FOXP1: variants seen among roughly 807,000 people sequenced by gnomAD.
FOXP1 encodes forkhead box protein P1.
A neutral mutation model predicts 98.2 loss-of-function variants in FOXP1; 15 were observed. The observed-to-expected ratio is 0.15, with a 90% CI of 0.10 to 0.24. The LOEUF (loss-of-function observed/expected upper bound fraction) is 0.24, where lower values mean the gene tolerates loss of function less well. FOXP1 is among the 10% of genes least tolerant of loss of function. The pLI, the probability that FOXP1 is intolerant of heterozygous loss-of-function variation, is 1.00. For synonymous variants in FOXP1, 371 were observed against 314.5 expected (o/e 1.18, Z -1.90); for missense variants, 633 against 848.5 (o/e 0.75, Z 3.15).
chr3:71,291,990 C>T (rs975223336), intron 5 of FOXP1, among the ~76,000 whole-genome samples: 6 of 152,136 alleles, frequency 3.9e-5, no homozygotes, highest in South Asian at 2.1e-4. Flanking sequence ...CAGGCCTGAG[C>T]GACTGTGCCT....
intron 12 of FOXP1, among the ~76,000 whole-genome samples, chr3:71,002,896 G>T (rs1326590500): frequency 6.6e-6 from 1 of 152,186 alleles, no homozygotes; most frequent in African/African-American, 2.4e-5. Context: ...TTCACTGGAA[G>T]TAAAGAAAGA....
intron 3 of FOXP1, among the ~76,000 whole-genome samples, chr3:71,454,715 A>G (rs143304764): frequency 6.6e-6 from 1 of 152,254 alleles, no homozygotes; most frequent in African/African-American, 2.4e-5. Flanking sequence ...GATGGTAGCG[A>G]AAGTTCCCTA....
At chr3:71,577,878 G>T (rs1371569759) in intron 2 of FOXP1, among the ~76,000 whole-genome samples, 2 of 151,824 alleles carry the variant, frequency 1.3e-5, no homozygotes, top group African/African-American at 4.8e-5. Flanking sequence ...CTTTCTTGAG[G>T]TTATTTTCTT....
At chr3:70,966,205 G>T in intron 19 of FOXP1, 149 bp from the exon 20 acceptor site, 1 of 813,278 alleles carries the variant, frequency 1.2e-6, no homozygotes, top group Non-Finnish European at 2.0e-6. Flanking sequence ...GAAAGATTTT[G>T]CTTTAAAAAC....
At chr3:70,994,028 A>G (rs1008362539) in intron 13 of FOXP1, among the ~76,000 whole-genome samples, 2 of 151,458 alleles carry the variant, frequency 1.3e-5, no homozygotes, top group African/African-American at 4.9e-5. Context: ...AAGAAAAAGA[A>G]AAAGAAAAAG....
At chr3:70,967,715 T>TG (rs1423542866) in intron 19 of FOXP1, among the ~76,000 whole-genome samples, 1,975 of 138,336 alleles carry the variant, frequency 0.014, 80 homozygotes, top group African/African-American at 0.05. Context: ...TTTTTGTTTT[T>TG]TTTTTTTTTT....
intron 7 of FOXP1, among the ~76,000 whole-genome samples, chr3:71,088,413 T>G (rs79324557): frequency 6.6e-6 from 1 of 151,758 alleles, no homozygotes; most frequent in Admixed American, 6.6e-5. Flanking sequence ...TTTTTTTTTT[T>G]GGCTTACCAG....
intron 4 of FOXP1, among the ~76,000 whole-genome samples, chr3:71,336,589 C>T (rs1162337857): frequency 1.3e-5 from 2 of 152,138 alleles, no homozygotes; most frequent in South Asian, 4.1e-4. Context: ...GACATTTATC[C>T]TGTATTACCT....
chr3:71,198,432 G>GCCCCCCCCCCC, intron 5 of FOXP1, 40 bp from the exon 6 acceptor site: 1 of 491,034 alleles, frequency 2.0e-6, no homozygotes, highest in Non-Finnish European at 4.0e-6. Context: ...GGGAGGGGGG[G>GCCCCCCCCCCC]AGAAAAAAAA....
intron 6 of FOXP1, among the ~76,000 whole-genome samples, chr3:71,193,933 G>A (rs930642361): frequency 8.6e-5 from 13 of 151,834 alleles, no homozygotes; most frequent in Non-Finnish European, 1.3e-4. Flanking sequence ...CCTATCTACC[G>A]TTCCCACCTC....
chr3:71,162,498 T>C (rs1428158442), intron 6 of FOXP1, among the ~76,000 whole-genome samples: 1 of 152,242 alleles, frequency 6.6e-6, no homozygotes, highest in East Asian at 1.9e-4. Flanking sequence ...TTAAGACTTT[T>C]TGAATAACTG....
At chr3:71,399,677 C>T (rs1168752937) in intron 3 of FOXP1, among the ~76,000 whole-genome samples, 1 of 152,102 alleles carries the variant, frequency 6.6e-6, no homozygotes, top group Non-Finnish European at 1.5e-5. Flanking sequence ...TTCCTCTTAC[C>T]ACATCTCAAC....
intron 7 of FOXP1, among the ~76,000 whole-genome samples, chr3:71,108,707 G>A (rs1284215863): frequency 6.6e-6 from 1 of 152,180 alleles, no homozygotes; most frequent in Non-Finnish European, 1.5e-5. Flanking sequence ...GGAGGTTGCA[G>A]TGAGCCGAGA....
chr3:71,057,491 G>A (rs1232970804), intron 7 of FOXP1, among the ~76,000 whole-genome samples: 11 of 148,794 alleles, frequency 7.4e-5, no homozygotes, highest in East Asian at 2.0e-4. Context: ...AAAAATTTCC[G>A]ATACTGTAAC....
At chr3:71,065,185 G>A (rs1045362307) in intron 7 of FOXP1, among the ~76,000 whole-genome samples, 17 of 151,638 alleles carry the variant, frequency 1.1e-4, no homozygotes, top group African/African-American at 3.4e-4. Flanking sequence ...CTGTTAACCC[G>A]GTGACCCGCC....
chr3:70,961,419 T>C (rs1229172016), intron 20 of FOXP1, among the ~76,000 whole-genome samples: 1 of 151,454 alleles, frequency 6.6e-6, no homozygotes, highest in African/African-American at 2.4e-5. Context: ...TTAGTACAGA[T>C]GAGGTTTCAC....
chr3:71,279,131 C>T (rs1007770663), intron 5 of FOXP1, among the ~76,000 whole-genome samples: 4 of 144,966 alleles, frequency 2.8e-5, no homozygotes, highest in Non-Finnish European at 4.5e-5. Flanking sequence ...AGGATCACGC[C>T]GTTGCACTCC....
At chr3:71,049,514 C>A (rs1190852838) in intron 9 of FOXP1, among the ~76,000 whole-genome samples, 1 of 151,284 alleles carries the variant, frequency 6.6e-6, no homozygotes, top group Non-Finnish European at 1.5e-5. Flanking sequence ...AATATGGAGC[C>A]AAACTTTCCC....
At chr3:71,065,111 C>A (rs2052292470) in intron 7 of FOXP1, among the ~76,000 whole-genome samples, 1 of 150,192 alleles carries the variant, frequency 6.7e-6, no homozygotes, top group South Asian at 2.1e-4. Flanking sequence ...CCCCTCCGCG[C>A]GGCAGGTGAA....
Sources: gnomAD v4.1 joint callset for allele counts (sites outside exome capture counted in the v4.1 genomes callset) on GRCh38, gnomAD v4.1.1 for gene constraint, MANE v1.5 for transcripts, NCBI Gene and HGNC (gene_info 2026-07-23, HGNC 2026-07-21) for gene names.